The following TENM1 variants were observed in gnomAD, a reference collection of about 807,000 sequenced individuals.
The protein encoded by TENM1 is teneurin-1.
TENM1 carries 35 observed loss-of-function variants against 174.8 expected under a neutral mutation model. The ratio of observed to expected loss-of-function variants is 0.20; its 90% CI spans 0.15 to 0.27. The LOEUF is 0.27. TENM1 is among the 10% of genes least tolerant of loss of function. The pLI is 1.00. For synonymous variants in TENM1, 781 were observed against 798.7 expected (o/e 0.98, Z 0.37); for missense variants, 1,633 against 2,130.1 (o/e 0.77, Z 4.59).
chrX:124,860,610 C>T lies in TENM1; in HGVS notation c.535+33686G>A, dbSNP rs192822907. ...CAATGCAGTATTGATTTGCTAGGGTCCTTCTTCCTATGTTATTTACACTAA... is the reference window on the plus strand; with the variant it reads ...CAATGCAGTATTGATTTGCTAGGGTTCTTCTTCCTATGTTATTTACACTAA... On this transcript the variant is annotated intron_variant, in intron 3 of 31. Transcript: ENST00000422452. Among the ~76,000 whole-genome samples the T allele has an allele frequency of 2.8e-4, 31 of 111,787 alleles. No homozygotes were observed. The East Asian group carries it at 8.4e-3, about 30-fold the overall frequency.
intron 3 of TENM1, among the ~76,000 whole-genome samples, chrX:124,873,445 A>AT (rs2147486227): frequency 8.9e-6 from 1 of 112,230 alleles, no homozygotes; most frequent in African/African-American, 3.2e-5. Context: ...TTAGTTATAA[A>AT]ATGAATTTAC....
chrX:124,465,021 A>G (rs2061226255), intron 22 of TENM1, among the ~76,000 whole-genome samples: 1 of 111,731 alleles, frequency 9.0e-6, no homozygotes, highest in African/African-American at 3.3e-5. Context: ...GAGGTGGAGT[A>G]AAGAGTCTGG....
At chrX:124,663,229 G>C (rs569004033) in intron 6 of TENM1, among the ~76,000 whole-genome samples, 15 of 111,585 alleles carry the variant, frequency 1.3e-4, no homozygotes, top group Middle Eastern at 4.6e-3. Flanking sequence ...AAATGACTAA[G>C]GGAAAATGGA....
intron 18 of TENM1, among the ~76,000 whole-genome samples, chrX:124,508,216 C>T (rs923306104): frequency 2.7e-5 from 3 of 112,149 alleles, no homozygotes; most frequent in African/African-American, 6.5e-5. Flanking sequence ...AGTGATTTAT[C>T]GTAGGATAGG....
At chrX:124,963,804 T>C (rs1331182423) in exon 1 of TENM1, 5 of 1,022,928 alleles carry the variant, frequency 4.9e-6, no homozygotes, top group Non-Finnish European at 6.8e-6. Context: ...GGAAGTCCTT[T>C]AATGCAAGCA....
chrX:124,477,966 GACTAAT>G (rs1174661455), intron 22 of TENM1, among the ~76,000 whole-genome samples: 5 of 104,223 alleles, frequency 4.8e-5, no homozygotes, highest in African/African-American at 2.1e-4. Flanking sequence ...TGTACAATGT[GACTAAT>G]ACTATTTACA....
chrX:124,917,482 C>A (rs772281690), intron 1 of TENM1, among the ~76,000 whole-genome samples: 1 of 111,571 alleles, frequency 9.0e-6, no homozygotes, highest in Non-Finnish European at 1.9e-5. Context: ...CATTCCTTAA[C>A]CCCACATAGA....
intron 3 of TENM1, among the ~76,000 whole-genome samples, chrX:124,880,026 C>T (rs927000596): frequency 3.6e-5 from 4 of 111,837 alleles, no homozygotes; most frequent in Non-Finnish European, 7.5e-5. Flanking sequence ...GCTTTGGCTA[C>T]TCAGGCTTTT....
chrX:125,044,928 A>T, the TENM1 span, among the ~76,000 whole-genome samples: 1 of 111,713 alleles, frequency 9.0e-6, no homozygotes, highest in Admixed American at 9.5e-5. Flanking sequence ...CTGCACTAAG[A>T]TCTCTCAGGA....
intron 3 of TENM1, among the ~76,000 whole-genome samples, chrX:124,831,113 T>C (rs1314219884): frequency 9.0e-6 from 1 of 111,647 alleles, no homozygotes; most frequent in East Asian, 2.8e-4. Context: ...CTTTATTTTC[T>C]GTGTCTTGAG....
chrX:124,767,926 G>T (rs2054570270), intron 3 of TENM1, among the ~76,000 whole-genome samples: 1 of 111,061 alleles, frequency 9.0e-6, no homozygotes, highest in African/African-American at 3.3e-5. Context: ...TTCTGATATG[G>T]TGCTATTAAA....
intron 11 of TENM1, among the ~76,000 whole-genome samples, chrX:124,571,137 A>C (rs1286318850): frequency 8.9e-6 from 1 of 112,218 alleles, no homozygotes; most frequent in Non-Finnish European, 1.9e-5. Context: ...AAGATTCCAC[A>C]GCATATGGAT....
intron 22 of TENM1, among the ~76,000 whole-genome samples, chrX:124,472,328 C>T (rs1395259832): frequency 3.2e-4 from 11 of 34,482 alleles, no homozygotes; most frequent in Non-Finnish European, 4.5e-4. Flanking sequence ...ATATGCTTGA[C>T]GTAAAAAAAA....
At chrX:125,187,185 G>A in the TENM1 span, among the ~76,000 whole-genome samples, 1 of 112,339 alleles carries the variant, frequency 8.9e-6, no homozygotes, top group African/African-American at 3.2e-5. Flanking sequence ...GCTTGAATCA[G>A]GGAGGCGGAG....
In TENM1 at chrX:124,625,976, T is replaced by A. The variant is rs1235453813; in HGVS notation, c.2077+15815A>T. On this transcript the variant is annotated intron_variant, in intron 11 of 31. Coordinates refer to ENST00000422452, the Ensembl canonical transcript of TENM1. ...AGCTTGATTTAACCATTCCACAATG[T>A]ATATATATGTCAAAATATCATGTTG... 2.1e-4 allele frequency among the ~76,000 whole-genome samples: 23 copies of A among 111,387 alleles called. No homozygotes were observed. The Admixed American group carries it at 2.2e-3, about 11-fold the overall frequency.
chrX:125,050,916 T>C, the TENM1 span, among the ~76,000 whole-genome samples: 1,443 of 112,147 alleles, frequency 0.013, 20 homozygotes, highest in African/African-American at 0.043. Context: ...TTGTCCCTGT[T>C]TGCAGATGAC....
the TENM1 span, among the ~76,000 whole-genome samples, chrX:125,007,058 G>A: frequency 4.5e-5 from 5 of 111,876 alleles, no homozygotes; most frequent in African/African-American, 1.6e-4. Context: ...GGCTTCAGAA[G>A]GTGGGTAATA....
At chrX:125,003,954 T>C in the TENM1 span, among the ~76,000 whole-genome samples, 3 of 111,901 alleles carry the variant, frequency 2.7e-5, no homozygotes, top group Non-Finnish European at 5.6e-5. Context: ...CTCCATCTAC[T>C]CAACCTGTGT....
intron 3 of TENM1, among the ~76,000 whole-genome samples, chrX:124,807,134 G>A: frequency 9.7e-6 from 1 of 102,782 alleles, no homozygotes; most frequent in South Asian, 3.9e-4. Context: ...TGAACTCAGG[G>A]CAAGAGCTCA....
Sources: allele counts gnomAD v4.1 joint callset (sites outside exome capture counted in the v4.1 genomes callset), GRCh38; gene constraint gnomAD v4.1.1; transcripts MANE v1.5; gene names NCBI Gene and HGNC (gene_info 2026-07-23, HGNC 2026-07-21).